GPR158: variants seen among roughly 807,000 people sequenced by gnomAD.
GPR158 encodes metabotropic glycine receptor.
In GPR158, 30 loss-of-function variants were observed where a neutral mutation model predicts 78.2. The observed-to-expected ratio is 0.38, with a 90% CI of 0.29 to 0.52. The LOEUF (loss-of-function observed/expected upper bound fraction) is 0.52. Ranked by LOEUF, GPR158 falls within the 20% of genes least tolerant of loss-of-function variation. The pLI is 0.83. For synonymous variants in GPR158, 581 were observed against 591.1 expected (o/e 0.98, Z 0.25); for missense variants, 1,463 against 1,523.5 (o/e 0.96, Z 0.66).
chr10:25,346,924 T>A (rs1046801486), intron 2 of GPR158, among the ~76,000 whole-genome samples: 1 of 151,952 alleles, frequency 6.6e-6, no homozygotes, highest in African/African-American at 2.4e-5. Flanking sequence ...CTGGCTTGAT[T>A]TTTTTTAACC....
chr10:25,385,738 T>A (rs2130512998), intron 2 of GPR158, among the ~76,000 whole-genome samples: 1 of 152,296 alleles, frequency 6.6e-6, no homozygotes, highest in East Asian at 1.9e-4. Context: ...TAACATCTTT[T>A]CATTGGCTTA....
At chr10:25,482,703 C>A (rs768187683) in intron 5 of GPR158, among the ~76,000 whole-genome samples, 1 of 152,114 alleles carries the variant, frequency 6.6e-6, no homozygotes, top group African/African-American at 2.4e-5. Flanking sequence ...ATCTCCAGCT[C>A]AAATCTCTGT....
intron 2 of GPR158, among the ~76,000 whole-genome samples, chr10:25,357,049 C>G (rs776592463): frequency 9.2e-5 from 14 of 152,034 alleles, no homozygotes; most frequent in Admixed American, 1.3e-4. Flanking sequence ...GGAACTGGAG[C>G]AAAGGTGATG....
chr10:25,279,939 G>T (rs1854244086), intron 2 of GPR158, among the ~76,000 whole-genome samples: 1 of 150,280 alleles, frequency 6.7e-6, no homozygotes. Context: ...TTTGTGCCTG[G>T]CAAAGTTTAA....
rs535230642 is a variant in GPR158 at position 25,595,032 on chromosome 10, T to C, written c.1998+635T>C. ...AATAAAATGATATTGGAGTTTTTTT[T>C]CTCTGGGGGGAAGGTATTATACAAA... On this transcript the variant is annotated intron_variant, in intron 9 of 10. Transcript: ENST00000376351. 7.2e-5 allele frequency among the ~76,000 whole-genome samples: 11 copies of C among 152,122 alleles called. No individual in the cohort carries two copies. The East Asian group carries it at 1.5e-3, about 21-fold the overall frequency.
chr10:25,428,915 C>G (rs780091782), intron 4 of GPR158, among the ~76,000 whole-genome samples: 6 of 151,932 alleles, frequency 3.9e-5, no homozygotes, highest in South Asian at 2.1e-4. Context: ...TATAATCATG[C>G]TTTTTGAATT....
intron 5 of GPR158, among the ~76,000 whole-genome samples, chr10:25,548,136 G>A (rs757929172): frequency 3.3e-5 from 5 of 151,908 alleles, no homozygotes; most frequent in African/African-American, 4.8e-5. Context: ...TTTAAAATTG[G>A]CTAAAATAGA....
intron 2 of GPR158, among the ~76,000 whole-genome samples, chr10:25,260,678 C>G (rs1853957189): frequency 6.6e-6 from 1 of 152,016 alleles, no homozygotes; most frequent in Non-Finnish European, 1.5e-5. Flanking sequence ...GGGAGCATCT[C>G]TAATCTCACC....
rs534007998 is a variant in GPR158 at position 25,330,762 on chromosome 10, A to G, written c.1009-65149A>G. Among the ~76,000 whole-genome samples, 51 of 152,288 alleles carry G rather than the reference A, an allele frequency of 3.3e-4. 2 individuals are homozygous for G. The South Asian group carries it at 0.01, about 31-fold the overall frequency. On this transcript the variant is annotated intron_variant, in intron 2 of 10. Coordinates refer to ENST00000376351, the MANE Select transcript of GPR158 (RefSeq NM_020752.3). ...GAATGGTTAAGGCCTTGAGGATTTT[A>G]GAAAAAAACACCATTCTTTTAACTA...
At chr10:25,392,810 T>G (rs1834318705) in intron 2 of GPR158, among the ~76,000 whole-genome samples, 1 of 152,010 alleles carries the variant, frequency 6.6e-6, no homozygotes, top group Admixed American at 6.6e-5. Context: ...TATTGAAAAT[T>G]TACAATTCTT....
At chr10:25,190,041 A>G (rs1227844920) in intron 1 of GPR158, among the ~76,000 whole-genome samples, 1 of 152,054 alleles carries the variant, frequency 6.6e-6, no homozygotes, top group Non-Finnish European at 1.5e-5. Context: ...TTTACCATTG[A>G]GCAGTTTTAT....
intron 7 of GPR158, among the ~76,000 whole-genome samples, chr10:25,582,210 C>T (rs909053241): frequency 7.9e-5 from 12 of 152,234 alleles, no homozygotes; most frequent in South Asian, 4.1e-4. Context: ...GACAGAGAGA[C>T]GAAATGGAAG....
At chr10:25,499,604 A>C (rs551885840) in intron 5 of GPR158, among the ~76,000 whole-genome samples, 1 of 152,394 alleles carries the variant, frequency 6.6e-6, no homozygotes, top group South Asian at 2.1e-4. Context: ...AAATGACATT[A>C]ACTAATAAAC....
chr10:25,427,042 A>AT (rs1834834162), intron 4 of GPR158, among the ~76,000 whole-genome samples: 10 of 152,002 alleles, frequency 6.6e-5, no homozygotes. Flanking sequence ...AAAATTATGG[A>AT]ATTTTTTCAA....
At chr10:25,476,600 C>T (rs966641336) in intron 5 of GPR158, among the ~76,000 whole-genome samples, 1 of 152,072 alleles carries the variant, frequency 6.6e-6, no homozygotes, top group African/African-American at 2.4e-5. Context: ...TTTGTAAATG[C>T]AAGAAGAGAG....
chr10:25,183,712 T>C (rs993162034), intron 1 of GPR158, among the ~76,000 whole-genome samples: 1 of 152,252 alleles, frequency 6.6e-6, no homozygotes, highest in Non-Finnish European at 1.5e-5. Flanking sequence ...AAGTACCCAC[T>C]GCACCTATAG....
chr10:25,403,372 G>T (rs1388459397), intron 3 of GPR158, among the ~76,000 whole-genome samples: 1 of 151,974 alleles, frequency 6.6e-6, no homozygotes, highest in Non-Finnish European at 1.5e-5. Flanking sequence ...CAGATGGCCT[G>T]TAAATGCTAC....
Position 25,216,923 on chromosome 10 carries a change from G to C in GPR158, c.903-4129G>C, listed in dbSNP as rs572652598. Among the ~76,000 whole-genome samples, 15 of 152,282 alleles carry C rather than the reference G, an allele frequency of 9.9e-5. No individual in the cohort carries two copies. The South Asian group carries it at 3.1e-3, about 32-fold the overall frequency. ...ACAGTGGTTGGAGAAGTTAGAAGTAGGAGGGCCCTGATTATGTCATTCCAA... is the reference window on the plus strand; with the variant it reads ...ACAGTGGTTGGAGAAGTTAGAAGTACGAGGGCCCTGATTATGTCATTCCAA... On this transcript the variant is annotated intron_variant, in intron 1 of 10. Coordinates refer to ENST00000376351, the MANE Select transcript of GPR158 (RefSeq NM_020752.3).
chr10:25,363,606 G>T (rs963883583), intron 2 of GPR158, among the ~76,000 whole-genome samples: 1 of 151,964 alleles, frequency 6.6e-6, no homozygotes, highest in African/African-American at 2.4e-5. Context: ...ATAGAGTAAT[G>T]AGATGTGATC....
Sources: gnomAD v4.1 joint callset for allele counts (sites outside exome capture counted in the v4.1 genomes callset) on GRCh38, gnomAD v4.1.1 for gene constraint, MANE v1.5 for transcripts, NCBI Gene and HGNC (gene_info 2026-07-23, HGNC 2026-07-21) for gene names.